PPP2R5E: variants seen among roughly 807,000 people sequenced by gnomAD.
The protein encoded by PPP2R5E is protein phosphatase 2 regulatory subunit B'epsilon.
PPP2R5E carries 4 observed loss-of-function variants against 65.3 expected under a neutral mutation model. The observed-to-expected ratio is 0.06, with a 90% CI of 0.03 to 0.14. The LOEUF (loss-of-function observed/expected upper bound fraction) is 0.14. Among genes scored for constraint, PPP2R5E ranks in the 10% least tolerant of loss-of-function variants. PPP2R5E has a pLI of 1.00. For synonymous variants in PPP2R5E, 183 were observed against 187.4 expected (o/e 0.98, Z 0.19); for missense variants, 274 against 556.1 (o/e 0.49, Z 5.10).
chr14:63,466,277 A>AT (rs1483577301), intron 2 of PPP2R5E, among the ~76,000 whole-genome samples: 4 of 143,120 alleles, frequency 2.8e-5, no homozygotes, highest in Non-Finnish European at 5.9e-5. Flanking sequence ...AAAATACAAA[A>AT]AAAAAAAAAC....
chr14:63,385,934 C>T (rs1884640829), intron 11 of PPP2R5E, among the ~76,000 whole-genome samples: 1 of 152,206 alleles, frequency 6.6e-6, no homozygotes. Flanking sequence ...ATGCTATCAA[C>T]TGGCTCTAAT....
At chr14:63,430,420 T>G (rs956109782) in intron 3 of PPP2R5E, among the ~76,000 whole-genome samples, 1 of 151,794 alleles carries the variant, frequency 6.6e-6, no homozygotes, top group Non-Finnish European at 1.5e-5. Context: ...CATACATACA[T>G]GCATACATAC....
rs373837870 is a variant in PPP2R5E at position 63,521,785 on chromosome 14, C to A, written c.157+17744G>T. Reference sequence around the variant, plus strand: ...AAACTTTCTTCTACTTTAAAAAGTCCCCTGTTTCAATCTGCTTTCCAGTCC... The same window carrying A: ...AAACTTTCTTCTACTTTAAAAAGTCACCTGTTTCAATCTGCTTTCCAGTCC... On this transcript the variant is annotated intron_variant, in intron 2 of 13. Coordinates refer to ENST00000337537, the MANE Select transcript of PPP2R5E (RefSeq NM_006246.5). 3.9e-4 allele frequency among the ~76,000 whole-genome samples: 59 copies of A among 152,268 alleles called. 1 individual carries two copies. Among genetic ancestry groups the A allele is most frequent in the Middle Eastern group, 3.4e-3 (1 of 294 alleles).
chr14:63,379,444 T>C (rs1884186143), intron 13 of PPP2R5E, among the ~76,000 whole-genome samples: 3 of 152,152 alleles, frequency 2.0e-5, no homozygotes, highest in Non-Finnish European at 4.4e-5. Context: ...GCTAATTTTG[T>C]ATTTTTTAGT....
intron 3 of PPP2R5E, among the ~76,000 whole-genome samples, chr14:63,433,506 T>C (rs1887800203): frequency 6.6e-6 from 1 of 152,194 alleles, no homozygotes; most frequent in South Asian, 2.1e-4. Flanking sequence ...TGCCTGATTC[T>C]GCAGAGAAGA....
intron 2 of PPP2R5E, among the ~76,000 whole-genome samples, chr14:63,519,234 C>T (rs1368864299): frequency 6.6e-6 from 1 of 151,880 alleles, no homozygotes; most frequent in African/African-American, 2.4e-5. Flanking sequence ...GAAAAAAATA[C>T]GTAAACATGA....
chr14:63,407,982 A>G (rs1886184264), intron 5 of PPP2R5E, among the ~76,000 whole-genome samples: 1 of 152,228 alleles, frequency 6.6e-6, no homozygotes, highest in South Asian at 2.1e-4. Context: ...ACCCAGTCTG[A>G]GGCATTTTGT....
intron 3 of PPP2R5E, among the ~76,000 whole-genome samples, chr14:63,438,011 C>T (rs1683701636): frequency 6.6e-6 from 1 of 152,184 alleles, no homozygotes. Context: ...TGTCTTTGCA[C>T]CATTTTTCAG....
At chr14:63,458,691 A>G (rs1195847175) in intron 2 of PPP2R5E, among the ~76,000 whole-genome samples, 1 of 152,222 alleles carries the variant, frequency 6.6e-6, no homozygotes, top group East Asian at 1.9e-4. Context: ...ATGTGGAAAT[A>G]GAGTGAATAA....
In PPP2R5E at chr14:63,437,332, C is replaced by T. The variant is rs568869382; in HGVS notation, c.355-15238G>A. Among the ~76,000 whole-genome samples the T allele has an allele frequency of 1.1e-4, 16 of 152,132 alleles. No individual in the cohort carries two copies. In the South Asian group the frequency reaches 3.3e-3, roughly 32 times the overall value. ...CCTATGGACTAGCCCTTCTTTTATT[C>T]CTTTGCTTTCTTAATAAACTTGCTT... On this transcript the variant is annotated intron_variant, in intron 3 of 13. Coordinates refer to ENST00000337537, the MANE Select transcript of PPP2R5E (RefSeq NM_006246.5).
intron 2 of PPP2R5E, among the ~76,000 whole-genome samples, chr14:63,462,489 T>A (rs977166860): frequency 2.6e-5 from 4 of 152,182 alleles, no homozygotes; most frequent in Non-Finnish European, 5.9e-5. Flanking sequence ...AAACTGCACA[T>A]ACCTCCATTC....
intron 2 of PPP2R5E, among the ~76,000 whole-genome samples, chr14:63,534,494 C>T (rs185789709): frequency 2.0e-5 from 3 of 152,124 alleles, no homozygotes; most frequent in African/African-American, 7.2e-5. Context: ...AAACTCTTGA[C>T]CTCAAATGAC....
intron 2 of PPP2R5E, among the ~76,000 whole-genome samples, chr14:63,460,499 A>C (rs1889396984): frequency 1.3e-5 from 2 of 152,190 alleles, no homozygotes; most frequent in African/African-American, 4.8e-5. Flanking sequence ...TGTTTAAGAG[A>C]AGTTGCAGTC....
At chr14:63,428,898 T>C (rs1887479157) in intron 3 of PPP2R5E, among the ~76,000 whole-genome samples, 1 of 152,226 alleles carries the variant, frequency 6.6e-6, no homozygotes, top group African/African-American at 2.4e-5. Flanking sequence ...AATTTTACAC[T>C]ATGATTTTGA....
At chr14:63,379,826 C>CTCTTTTTTT (rs528081976) in intron 13 of PPP2R5E, among the ~76,000 whole-genome samples, 20 of 100,278 alleles carry the variant, frequency 2.0e-4, no homozygotes, top group African/African-American at 1.0e-3. Flanking sequence ...TATTCTCTCT[C>CTCTTTTTTT]TTTTTTTTTT....
At chr14:63,442,619 C>A (rs763216478) in intron 3 of PPP2R5E, among the ~76,000 whole-genome samples, 1 of 152,132 alleles carries the variant, frequency 6.6e-6, no homozygotes, top group Non-Finnish European at 1.5e-5. Flanking sequence ...ACCACATTTA[C>A]GTAACTTTTA....
At chr14:63,524,265 T>C (rs558618612) in intron 2 of PPP2R5E, among the ~76,000 whole-genome samples, 3 of 152,296 alleles carry the variant, frequency 2.0e-5, no homozygotes, top group South Asian at 2.1e-4. Context: ...TTTTGCCAGA[T>C]TGCTTCTCTC....
intron 6 of PPP2R5E, 72 bp from the exon 7 acceptor site, chr14:63,395,357 AGGAGGAGGAGAAGGG>A: frequency 1.2e-6 from 1 of 819,642 alleles, no homozygotes; most frequent in Non-Finnish European, 1.8e-6. Context: ...AAAGAGGAGG[AGGAGGAGGAGAAGGG>A]GGAGGAGGAG....
At chr14:63,495,415 T>C (rs1022388133) in intron 2 of PPP2R5E, among the ~76,000 whole-genome samples, 1 of 58,162 alleles carries the variant, frequency 1.7e-5, no homozygotes, top group Non-Finnish European at 3.1e-5. Context: ...CTACTAAAAA[T>C]ACAAAAAAAA....
Sources: gnomAD v4.1 joint callset for allele counts (sites outside exome capture counted in the v4.1 genomes callset) on GRCh38, gnomAD v4.1.1 for gene constraint, MANE v1.5 for transcripts, NCBI Gene and HGNC (gene_info 2026-07-23, HGNC 2026-07-21) for gene names.